The following TMPRSS9 variants were observed in gnomAD, a reference collection of about 807,000 sequenced individuals.
TMPRSS9 encodes transmembrane serine protease 9, also known as transmembrane protease serine 9.
TMPRSS9 carries 113 observed loss-of-function variants against 111.4 expected under a neutral mutation model. The observed-to-expected ratio is 1.01, with a 90% confidence interval of 0.87 to 1.19. TMPRSS9 has a LOEUF of 1.19. TMPRSS9 is among the 50% of genes most tolerant of loss of function. The pLI is 0.00. For synonymous variants in TMPRSS9, 805 were observed against 659.1 expected (o/e 1.22, Z -3.39); for missense variants, 1,803 against 1,513.1 (o/e 1.19, Z -3.18).
chr19:2,389,824 G>C, exon 1 of TMPRSS9: 1 of 1,613,962 alleles, frequency 6.2e-7, no homozygotes, highest in Non-Finnish European at 8.5e-7. Flanking sequence ...TCGTGCCCAG[G>C]ACAACCAAGG....
intron 1 of TMPRSS9, among the ~76,000 whole-genome samples, chr19:2,361,728 A>G (rs1039579307): frequency 6.6e-6 from 1 of 152,042 alleles, no homozygotes; most frequent in Non-Finnish European, 1.5e-5. Context: ...CCGTCATTTT[A>G]TAGGGGGTCA....
upstream of TMPRSS9, among the ~76,000 whole-genome samples, chr19:2,384,981 CAAAA>C (rs1340652495): frequency 1.0e-5 from 1 of 99,340 alleles, no homozygotes. Context: ...AACTCCATCT[CAAAA>C]AAAAAAAAAA....
intron 1 of TMPRSS9, among the ~76,000 whole-genome samples, chr19:2,375,725 G>A (rs1421422463): frequency 1.3e-5 from 2 of 152,254 alleles, no homozygotes; most frequent in African/African-American, 4.8e-5. Flanking sequence ...CACCATGATC[G>A]ACCACCCCAC....
intron 6 of TMPRSS9, among the ~76,000 whole-genome samples, chr19:2,404,283 C>A (rs1219998781): frequency 6.6e-6 from 1 of 151,982 alleles, no homozygotes; most frequent in African/African-American, 2.4e-5. Flanking sequence ...AATCTTAATT[C>A]ATTTGAAATC....
At chr19:2,391,261 T>TAAAAAAAAAA (rs1555677770) in intron 1 of TMPRSS9, among the ~76,000 whole-genome samples, 8 of 75,172 alleles carry the variant, frequency 1.1e-4, no homozygotes, top group African/African-American at 1.9e-4. Flanking sequence ...AAAAAAAAAG[T>TAAAAAAAAAA]TAATTTTAAC....
At chr19:2,379,650 T>TTTCTTTCTTTCC (rs1970369038) in intron 1 of TMPRSS9, among the ~76,000 whole-genome samples, 3 of 149,588 alleles carry the variant, frequency 2.0e-5, no homozygotes, top group African/African-American at 7.5e-5. Flanking sequence ...TCTTTCTTTC[T>TTTCTTTCTTTCC]TTCTTTCTTT....
chr19:2,398,109 C>T (rs1483841817), intron 2 of TMPRSS9, among the ~76,000 whole-genome samples: 1 of 149,810 alleles, frequency 6.7e-6, no homozygotes, highest in Non-Finnish European at 1.5e-5. Flanking sequence ...GCCTGGCCAA[C>T]ATAGTGAAAC....
chr19:2,389,111 G>T (rs1308632326), upstream of TMPRSS9, among the ~76,000 whole-genome samples: 3 of 142,412 alleles, frequency 2.1e-5, no homozygotes, highest in Non-Finnish European at 1.5e-5. Context: ...GTCTTGCTCT[G>T]TCGCCAGGCT....
chr19:2,398,713 C>T (rs1970760588), intron 2 of TMPRSS9, 82 bp from the exon 4 acceptor site: 5 of 1,019,794 alleles, frequency 4.9e-6, no homozygotes, highest in South Asian at 1.4e-5. Flanking sequence ...CTCCAGCTCC[C>T]TCCAACACCT....
At chr19:2,405,129 T>C (rs894945084) in intron 6 of TMPRSS9, among the ~76,000 whole-genome samples, 6 of 152,084 alleles carry the variant, frequency 3.9e-5, no homozygotes, top group African/African-American at 1.4e-4. Context: ...TAGAGACCTT[T>C]CTCTGCCACT....
At chr19:2,360,578 C>A (rs1970186469) in intron 1 of TMPRSS9, among the ~76,000 whole-genome samples, 2 of 152,056 alleles carry the variant, frequency 1.3e-5, no homozygotes. Flanking sequence ...GTAGACATGG[C>A]CAGGTTGTGT....
In TMPRSS9 at chr19:2,365,937, C is replaced by T. The variant is rs189311202; in HGVS notation, c.-26+5577C>T. On this transcript the variant is annotated intron_variant, in intron 1 of 17. Coordinates refer to the TMPRSS9 transcript ENST00000649857. ...TGTGATAACACCACTGCACTCCAGC[C>T]TGGGTGATAGAGTGAGATTCTGTCT... is the stretch of plus-strand genomic sequence containing the variant. Among the ~76,000 whole-genome samples, 457 of 151,886 alleles carry T rather than the reference C, an allele frequency of 3.0e-3. 2 individuals are homozygous for T. Among genetic ancestry groups the T allele is most frequent in the African/African-American group, 0.011 (438 of 41,390 alleles).
At position 2,424,883 on chromosome 19, in the gene TMPRSS9, A is replaced by G. The variant is rs1796992660; in HGVS notation, c.2718-119A>G. On this transcript the variant is annotated intron_variant, in intron 15 of 17. Coordinates refer to ENST00000648592, the Ensembl canonical transcript of TMPRSS9. ...TGAGCCCATTCCCAGACCGACAGCCAGAGACCAAGAGGCCAATAACCCTGC... is the reference window on the plus strand; with the variant it reads ...TGAGCCCATTCCCAGACCGACAGCCGGAGACCAAGAGGCCAATAACCCTGC... 4 of 1,260,982 alleles carry G rather than the reference A, an allele frequency of 3.2e-6. No individual in the cohort carries two copies. The South Asian group carries it at 5.5e-5, about 17-fold the overall frequency. The allele number at this position is 1,260,982 out of a possible 1,614,324, so 78.1% of individuals were successfully genotyped here. A position where few individuals can be genotyped will look rare whatever the true frequency, so the allele number is the denominator to read the frequency against.
chr19:2,395,613 G>A (rs1970689308), intron 1 of TMPRSS9, among the ~76,000 whole-genome samples: 1 of 152,146 alleles, frequency 6.6e-6, no homozygotes. Flanking sequence ...TCCGGAGGCT[G>A]AGGCGGCAGG....
chr19:2,404,872 C>T (rs1413272264), intron 6 of TMPRSS9, among the ~76,000 whole-genome samples: 3 of 146,090 alleles, frequency 2.1e-5, no homozygotes, highest in Admixed American at 7.1e-5. Flanking sequence ...GCAGAGCTTG[C>T]AGTGAGTTGA....
upstream of TMPRSS9, among the ~76,000 whole-genome samples, chr19:2,384,841 G>A (rs1451749513): frequency 1.3e-5 from 2 of 150,592 alleles, no homozygotes; most frequent in African/African-American, 2.4e-5. Flanking sequence ...AATTAGCTGG[G>A]TGTGGTGGCA....
At chr19:2,425,712 G>GT (rs1190819656) in intron 17 of TMPRSS9, 8 of 1,180,744 alleles carry the variant, frequency 6.8e-6, no homozygotes, top group Non-Finnish European at 9.1e-6. Context: ...CGGCAGAGCA[G>GT]GCAGAGGCTG....
intron 1 of TMPRSS9, among the ~76,000 whole-genome samples, chr19:2,381,823 T>TATTCATTCATTCATTC (rs111934318): frequency 3.1e-5 from 4 of 129,712 alleles, no homozygotes; most frequent in African/African-American, 1.3e-4. Flanking sequence ...TTCAGATATG[T>TATTCATTCATTCATTC]ATTCATTCAT....
chr19:2,408,522 C>G, exon 8 of TMPRSS9: 1 of 1,613,820 alleles, frequency 6.2e-7, no homozygotes. Context: ...CAGCCCTCTG[C>G]CTTTCGGCCG....
Sources: gnomAD v4.1 joint callset for allele counts (sites outside exome capture counted in the v4.1 genomes callset) on GRCh38, gnomAD v4.1.1 for gene constraint, MANE v1.5 for transcripts, NCBI Gene and HGNC (gene_info 2026-07-23, HGNC 2026-07-21) for gene names.